The following NUDT6 variants were observed in gnomAD, a reference collection of about 807,000 sequenced individuals.
The protein encoded by NUDT6 is nudix hydrolase 6, also known as FAD diphosphatase NUDT6.
A neutral mutation model predicts 36.8 loss-of-function variants in NUDT6; 24 were observed. The observed-to-expected ratio is 0.65, with a 90% CI of 0.47 to 0.92. The LOEUF is 0.92. Among genes scored for constraint, NUDT6 ranks in the 40% least tolerant of loss-of-function variants. The pLI, the probability that NUDT6 is intolerant of heterozygous loss-of-function variation, is 0.00. For synonymous variants in NUDT6, 163 were observed against 157.0 expected (o/e 1.04, Z -0.29); for missense variants, 388 against 392.8 (o/e 0.99, Z 0.10).
intron 2 of NUDT6, 116 bp from the exon 3 acceptor site, chr4:122,912,739 C>G (rs1394596505): frequency 1.5e-6 from 1 of 662,074 alleles, no homozygotes. Context: ...AGCCTTGGTT[C>G]AAATACAGGT....
At chr4:122,917,887 A>G in intron 1 of NUDT6, 183 bp from the exon 2 acceptor site, 3 of 590,210 alleles carry the variant, frequency 5.1e-6, no homozygotes, top group Non-Finnish European at 9.0e-6. Context: ...TGTTTATATG[A>G]TTTTTCCATC....
At chr4:122,915,784 T>C (rs1431032096) in intron 2 of NUDT6, among the ~76,000 whole-genome samples, 1 of 152,160 alleles carries the variant, frequency 6.6e-6, no homozygotes. Context: ...TAACTTTCCA[T>C]TGAAGTGTGA....
intron 3 of NUDT6, among the ~76,000 whole-genome samples, chr4:122,907,746 G>A (rs1325115938): frequency 6.6e-6 from 1 of 152,096 alleles, no homozygotes; most frequent in African/African-American, 2.4e-5. Flanking sequence ...ACTGCGCCCG[G>A]CCCCTTTACT....
At chr4:122,922,640 G>A (rs1349393879), upstream of NUDT6, 4 of 1,369,300 alleles carry the variant, frequency 2.9e-6, no homozygotes, top group South Asian at 1.3e-5. Flanking sequence ...GATCGCGGCC[G>A]TACATTTTAG....
chr4:122,910,401 A>G (rs1434335195), intron 3 of NUDT6, among the ~76,000 whole-genome samples: 2 of 152,206 alleles, frequency 1.3e-5, no homozygotes, highest in African/African-American at 2.4e-5. Context: ...TTTTAACATT[A>G]ACATACCCAA....
At chr4:122,897,573 A>G (rs369016432) in intron 4 of NUDT6, 51 bp downstream of exon 4, 72 of 1,267,896 alleles carry the variant, frequency 5.7e-5, no homozygotes, top group Non-Finnish European at 7.4e-5. Context: ...AAGTAAACAC[A>G]TTAATTTCCT....
At chr4:122,897,590 T>A (rs1250416558) in intron 4 of NUDT6, 34 bp downstream of exon 4, 1 of 1,456,326 alleles carries the variant, frequency 6.9e-7, no homozygotes, top group Non-Finnish European at 9.6e-7. Context: ...TCCTCAACAT[T>A]TTTAAGCCAA....
intron 2 of NUDT6, 69 bp from the exon 3 acceptor site, chr4:122,912,692 C>T: frequency 4.0e-6 from 4 of 988,890 alleles, no homozygotes; most frequent in Non-Finnish European, 6.4e-6. Context: ...CTCCCACACT[C>T]TCTATCTGTG....
Position 122,893,050 on chromosome 4 carries a change from G to A in NUDT6, c.729C>T (p.Cys243=), listed in dbSNP as rs766682539. 3.7e-6 allele frequency: 6 copies of A among 1,613,964 alleles called. No homozygotes were observed. The African/African-American group carries it at 5.3e-5, about 14-fold the overall frequency. ...TGAGATCCATCCACTCACATCTTAA[G>A]CATTCTTCCTGGCAAAAATTTATGG... is the stretch of plus-strand genomic sequence containing the variant. The part of the protein sequence containing the change: ...SFTINFCQEE[C]LRCEWMDLND... The change falls in exon 5 of 5, where the codon TGC becomes TGT. Residue 243 remains cysteine (C), a synonymous_variant. Coordinates refer to ENST00000304430, the MANE Select transcript of NUDT6 (RefSeq NM_007083.5).
intron 3 of NUDT6, among the ~76,000 whole-genome samples, chr4:122,909,920 A>G (rs1444373648): frequency 6.6e-6 from 1 of 152,226 alleles, no homozygotes; most frequent in African/African-American, 2.4e-5. Flanking sequence ...TTCCCCTACA[A>G]TGGGATGACG....
chr4:122,900,876 A>C (rs951631219), intron 3 of NUDT6, among the ~76,000 whole-genome samples: 7 of 152,052 alleles, frequency 4.6e-5, no homozygotes, highest in African/African-American at 1.7e-4. Context: ...TTGGCATGGA[A>C]TTTATTTCTT....
At chr4:122,910,819 T>A (rs765456460) in intron 3 of NUDT6, among the ~76,000 whole-genome samples, 15 of 152,176 alleles carry the variant, frequency 9.9e-5, no homozygotes, top group Non-Finnish European at 1.8e-4. Context: ...GTTAATGGCA[T>A]GGCCAAATCC....
At chr4:122,903,358 T>G (rs527698868) in intron 3 of NUDT6, among the ~76,000 whole-genome samples, 14 of 152,304 alleles carry the variant, frequency 9.2e-5, no homozygotes, top group African/African-American at 2.9e-4. Context: ...TTTCTTGGTC[T>G]TAAAGGACCA....
chr4:122,893,733 A>T (rs1395612675), intron 4 of NUDT6: 1 of 152,300 alleles, frequency 6.6e-6, no homozygotes, highest in African/African-American at 2.4e-5. Context: ...TTTTTCAATT[A>T]AATGCAAATT....
intron 1 of NUDT6, chr4:122,921,611 A>AAACAAACAAACAAAC (rs1553953085): frequency 3.1e-4 from 37 of 119,226 alleles, no homozygotes; most frequent in African/African-American, 1.4e-3. Context: ...AAAAAAAAAA[A>AAACAAACAAACAAAC]AAAAAAACAA....
At chr4:122,897,828 T>C in intron 3 of NUDT6, 150 bp from the exon 4 acceptor site, 1 of 612,868 alleles carries the variant, frequency 1.6e-6, no homozygotes, top group Admixed American at 3.0e-5. Context: ...TTCCATCCTT[T>C]CTCCCTCGTT....
intron 2 of NUDT6, 100 bp downstream of exon 2, chr4:122,917,401 C>T (rs1353421964): frequency 5.9e-6 from 6 of 1,012,694 alleles, no homozygotes; most frequent in Admixed American, 5.3e-5. Context: ...AATCAAATAA[C>T]TCATTCCACA....
chr4:122,918,089 G>T, intron 1 of NUDT6: 1 of 169,694 alleles, frequency 5.9e-6, no homozygotes, highest in Non-Finnish European at 1.3e-5. Context: ...AGACAATTAT[G>T]GACTTCTATT....
In NUDT6 at chr4:122,917,516, G is replaced by A. The variant is rs1472850469; in HGVS notation, c.427C>T (p.Gln143Ter). Residue 143 changes from glutamine to a stop codon, truncating the protein, a stop_gained, in exon 2 of 5, where the codon CAA becomes TAA. Transcript: ENST00000304430. LOFTEE classifies it high-confidence loss of function. ...TGAAACTGACCTGCAACTCCTACTT[G>A]ATGTGAAGCATATCCTGGTAATCTG... ...PSRLPGYASH[Q>*]VGVAGAVFDE... The A allele has an allele frequency of 6.2e-7, 1 of 1,613,990 alleles. No individual in the cohort carries two copies. The highest frequency in any genetic ancestry group is 1.7e-5 in the Admixed American group (1 of 60,026).
Sources: allele counts gnomAD v4.1 joint callset (sites outside exome capture counted in the v4.1 genomes callset), GRCh38; gene constraint gnomAD v4.1.1; transcripts MANE v1.5; gene names NCBI Gene and HGNC (gene_info 2026-07-23, HGNC 2026-07-21).